The following PRELID2 variants were observed in gnomAD, a reference collection of about 807,000 sequenced individuals.
PRELID2 encodes PRELI domain containing 2.
In PRELID2, 25 loss-of-function variants were observed where a neutral mutation model predicts 28.4. The observed-to-expected ratio is 0.88, with a 90% CI of 0.64 to 1.23. The LOEUF (loss-of-function observed/expected upper bound fraction) is 1.23, where lower values mean the gene tolerates loss of function less well. Among genes scored for constraint, PRELID2 ranks in the 50% most tolerant of loss-of-function variants. PRELID2 has a pLI of 0.00. For missense variants in PRELID2, 201 were observed against 214.4 expected, an observed-to-expected ratio of 0.94 and a Z score of 0.39; for synonymous variants, 76 against 71.6, an observed-to-expected ratio of 1.06 and a Z score of -0.31.
At chr5:145,693,682 G>A (rs1755196323) in intron 1 of PRELID2, among the ~76,000 whole-genome samples, 1 of 152,198 alleles carries the variant, frequency 6.6e-6, no homozygotes, top group Non-Finnish European at 1.5e-5. Flanking sequence ...GCTGAGGTGA[G>A]AGAATGGCTT....
chr5:145,285,490 G>C, the PRELID2 span, among the ~76,000 whole-genome samples: 3 of 152,266 alleles, frequency 2.0e-5, no homozygotes, highest in Middle Eastern at 6.8e-3. Context: ...GTAGATTCCA[G>C]AAAAGCTTAT....
rs147587406 is a variant in PRELID2 at position 145,664,026 on chromosome 5, C to T, written n.70+100905G>A. On this transcript the variant is annotated intron_variant and non_coding_transcript_variant, in intron 1 of 2. Coordinates refer to the PRELID2 transcript ENST00000510259. ...GATAGATGTGTCATTAAATCCAGGC[C>T]TCATCATTTGCTAGATGTGTAAGCT... 7.8e-4 allele frequency among the ~76,000 whole-genome samples: 119 copies of T among 152,086 alleles called. 1 individual carries two copies. The East Asian group carries it at 0.023, about 29-fold the overall frequency.
intron 1 of PRELID2, among the ~76,000 whole-genome samples, chr5:145,715,421 C>T (rs1755815574): frequency 6.6e-6 from 1 of 152,144 alleles, no homozygotes; most frequent in South Asian, 2.1e-4. Context: ...GCTATACTTT[C>T]TAACTGATCT....
chr5:145,597,455 A>G (rs1753325880), intron 1 of PRELID2, among the ~76,000 whole-genome samples: 1 of 152,186 alleles, frequency 6.6e-6, no homozygotes, highest in Non-Finnish European at 1.5e-5. Flanking sequence ...GTATCAAAGC[A>G]TTTCACAGAG....
chr5:145,506,241 C>T (rs982997693), intron 1 of PRELID2, among the ~76,000 whole-genome samples: 1 of 152,146 alleles, frequency 6.6e-6, no homozygotes. Context: ...ATCAGAATGG[C>T]TTTCTTTCTG....
At chr5:145,432,692 A>C in the PRELID2 span, among the ~76,000 whole-genome samples, 9 of 151,998 alleles carry the variant, frequency 5.9e-5, no homozygotes, top group Admixed American at 2.0e-4. Flanking sequence ...CAAAAGAATA[A>C]TTTTGGTGTG....
At chr5:145,414,111 T>C in the PRELID2 span, among the ~76,000 whole-genome samples, 1 of 152,188 alleles carries the variant, frequency 6.6e-6, no homozygotes, top group Non-Finnish European at 1.5e-5. Flanking sequence ...TTTCAGGATA[T>C]GGGAACTCTC....
At chr5:145,487,362 A>G (rs1752227664) in intron 1 of PRELID2, among the ~76,000 whole-genome samples, 1 of 152,198 alleles carries the variant, frequency 6.6e-6, no homozygotes, top group African/African-American at 2.4e-5. Flanking sequence ...AGAACTCTGT[A>G]AAGTTGTAAA....
the PRELID2 span, among the ~76,000 whole-genome samples, chr5:145,313,331 T>G: frequency 5.9e-5 from 9 of 152,240 alleles, no homozygotes; most frequent in Non-Finnish European, 1.2e-4. Context: ...GCAAATCTGT[T>G]TTCCTTTTGC....
chr5:145,519,957 C>T (rs1752549961), intron 1 of PRELID2, among the ~76,000 whole-genome samples: 1 of 152,138 alleles, frequency 6.6e-6, no homozygotes, highest in African/African-American at 2.4e-5. Flanking sequence ...TACTTATGCT[C>T]TTTGTAATTT....
the PRELID2 span, among the ~76,000 whole-genome samples, chr5:145,352,766 T>G: frequency 0.015 from 2,342 of 152,262 alleles, 53 homozygotes; most frequent in African/African-American, 0.053. Context: ...CTTGGAAACT[T>G]CTTCTGCCAG....
At position 145,678,201 on chromosome 5, in the gene PRELID2, A is replaced by T. The variant is rs116635791; in HGVS notation, n.70+86730T>A. ...AGCTAATATTGTTCAAATACACAAG[A>T]TAATTGCTTAGGCATCCTCGTGAAA... On this transcript the variant is annotated intron_variant and non_coding_transcript_variant, in intron 1 of 2. Coordinates refer to the PRELID2 transcript ENST00000510259. Among the ~76,000 whole-genome samples, 828 of 152,304 alleles carry T rather than the reference A, an allele frequency of 5.4e-3. 3 individuals carry two copies. Among genetic ancestry groups the T allele is most frequent in the Non-Finnish European group, 8.4e-3 (574 of 68,026 alleles).
chr5:145,517,794 T>C (rs1580965548), intron 1 of PRELID2, among the ~76,000 whole-genome samples: 1 of 152,144 alleles, frequency 6.6e-6, no homozygotes, highest in South Asian at 2.1e-4. Flanking sequence ...ATATACACCA[T>C]GGAATACTAT....
downstream of PRELID2, among the ~76,000 whole-genome samples, chr5:145,753,809 T>A (rs1433851508): frequency 6.6e-6 from 1 of 152,202 alleles, no homozygotes; most frequent in Non-Finnish European, 1.5e-5. Flanking sequence ...TATAAAATAC[T>A]GCATTTAAAA....
intron 1 of PRELID2, among the ~76,000 whole-genome samples, chr5:145,824,463 T>TGTGAGTGA (rs373555427): frequency 7.0e-6 from 1 of 143,548 alleles, no homozygotes; most frequent in Non-Finnish European, 1.5e-5. Flanking sequence ...TGTGTGTGTG[T>TGTGAGTGA]GATATTGATT....
At chr5:145,767,080 C>T (rs77569773) in intron 5 of PRELID2, among the ~76,000 whole-genome samples, 2,309 of 152,122 alleles carry the variant, frequency 0.015, 71 homozygotes, top group African/African-American at 0.053. Flanking sequence ...TATACATTCC[C>T]GTTTTCCCAT....
intron 1 of PRELID2, among the ~76,000 whole-genome samples, chr5:145,559,836 T>TAA (rs59361990): frequency 0.019 from 2,699 of 142,302 alleles, 73 homozygotes; most frequent in African/African-American, 0.068. Flanking sequence ...TAAAAAGAGG[T>TAA]AAAAAAAAAA....
intron 1 of PRELID2, among the ~76,000 whole-genome samples, chr5:145,705,657 T>C (rs1755526275): frequency 6.6e-6 from 1 of 152,188 alleles, no homozygotes; most frequent in African/African-American, 2.4e-5. Context: ...AATCAGATAG[T>C]AAATATTTTA....
chr5:145,716,210 C>T (rs1755839082), intron 1 of PRELID2, among the ~76,000 whole-genome samples: 1 of 152,192 alleles, frequency 6.6e-6, no homozygotes, highest in African/African-American at 2.4e-5. Flanking sequence ...AAAACCTATC[C>T]TGTCTTGTTC....
Sources: gnomAD v4.1 joint callset for allele counts (sites outside exome capture counted in the v4.1 genomes callset) on GRCh38, gnomAD v4.1.1 for gene constraint, MANE v1.5 for transcripts, NCBI Gene and HGNC (gene_info 2026-07-23, HGNC 2026-07-21) for gene names.